FASN: variants seen among roughly 807,000 people sequenced by gnomAD.
The protein encoded by FASN is 3-hydroxyacyl-[acyl-carrier-protein] dehydratase.
Under a neutral mutation model 250.0 loss-of-function variants are expected in FASN, and 50 were observed. The ratio of observed to expected loss-of-function variants is 0.20; its 90% CI spans 0.16 to 0.25. The LOEUF is 0.25. Ranked by LOEUF, FASN falls within the 10% of genes least tolerant of loss-of-function variation. The pLI is 1.00. For missense variants in FASN, 3,031 were observed against 3,498.5 expected, an observed-to-expected ratio of 0.87 and a Z score of 3.37; for synonymous variants, 1,909 against 1,584.0, an observed-to-expected ratio of 1.21 and a Z score of -4.87.
In FASN at chr17:82,079,396, G is replaced by C. The variant is rs768851892; in HGVS notation, c.7359C>G (p.Ala2453=). The part of the protein sequence containing the change: ...VMLLRAKTGG[A]YGEDLGADYN... ...AGTCCGCGCCCAGGTCCTCGCCGTA[G>C]GCGCCACCCGTCTTGGCGCGCAGTA... is the stretch of plus-strand genomic sequence containing the variant. Residue 2453 remains alanine (A), a synonymous_variant, in exon 42 of 43, where the codon GCC becomes GCG. Coordinates refer to ENST00000306749, the MANE Select transcript of FASN (RefSeq NM_004104.5). 1.9e-6 allele frequency: 3 copies of C among 1,612,930 alleles called. No individual in the cohort carries two copies. Among genetic ancestry groups the C allele is most frequent in the Non-Finnish European group, 1.7e-6 (2 of 1,180,006 alleles).
rs549196704 is a variant in FASN, at chr17:82,087,600, T to C, written c.3043+85A>G. 3.7e-5 allele frequency: 59 copies of C among 1,600,654 alleles called. No homozygotes were observed. The Admixed American group carries it at 7.4e-4, about 20-fold the overall frequency. Reference sequence around the variant, plus strand: ...CCCCTCTGCTCCCTCCCAAGCTGCATGCCTAGCTGTGGGTGCCCTCTGTGG... The same window carrying C: ...CCCCTCTGCTCCCTCCCAAGCTGCACGCCTAGCTGTGGGTGCCCTCTGTGG... On this transcript the variant is annotated intron_variant, in intron 19 of 42. Transcript: ENST00000306749.
chr17:82,082,307 G>C lies in FASN; in HGVS notation c.6011+16C>G. Reference sequence around the variant, plus strand: ...AGAGCCCGGCAGAGGCGGGAGCAGGGCTGTGCGGTACCCACCTGTCCAGGT... The same window carrying C: ...AGAGCCCGGCAGAGGCGGGAGCAGGCCTGTGCGGTACCCACCTGTCCAGGT... On this transcript the variant is annotated intron_variant, in intron 35 of 42. Transcript: ENST00000306749. 1.9e-6 allele frequency: 3 copies of C among 1,611,702 alleles called. No individual in the cohort carries two copies. Among genetic ancestry groups the C allele is most frequent in the Non-Finnish European group, 2.5e-6 (3 of 1,179,812 alleles).
chr17:82,087,060 T>C lies in FASN; in HGVS notation c.3417A>G (p.Gln1139=), dbSNP rs780479385. The change falls in exon 21 of 43, where the codon CAA becomes CAG. Residue 1139 remains glutamine, a synonymous_variant. Coordinates refer to ENST00000306749, the MANE Select transcript of FASN (RefSeq NM_004104.5). ...SERAALQEEL[Q]LCKGLVQALQ... ...GGGCTGGGACCTCACCCTTGCACAG[T>C]TGCAGCTCCTCCTGCAGGGCAGCGC... 7.4e-6 allele frequency: 12 copies of C among 1,611,250 alleles called. No homozygotes were observed. In the South Asian group the frequency reaches 1.3e-4, roughly 18 times the overall value.
intron 11 of FASN, 22 bp downstream of exon 11, chr17:82,090,353 G>A (rs770322644): frequency 6.4e-7 from 1 of 1,563,438 alleles, no homozygotes; most frequent in South Asian, 1.2e-5. Flanking sequence ...GGAGGTGCTG[G>A]GGGCCCCTCC....
intron 15 of FASN, 33 bp downstream of exon 15, chr17:82,088,728 G>T: frequency 6.3e-7 from 1 of 1,584,902 alleles, no homozygotes; most frequent in South Asian, 1.1e-5. Context: ...CCCCGACTCC[G>T]GGAGACGAGA....
chr17:82,079,967 C>T, intron 41 of FASN, 173 bp downstream of exon 41: 1 of 762,452 alleles, frequency 1.3e-6, no homozygotes, highest in South Asian at 1.6e-5. Flanking sequence ...CTTAGCCTCC[C>T]AAAGTGCCGG....
chr17:82,086,654 A>T, intron 21 of FASN, 96 bp from the exon 22 acceptor site: 6 of 914,174 alleles, frequency 6.6e-6, no homozygotes, highest in Non-Finnish European at 1.0e-5. Flanking sequence ...TGGGGCCACC[A>T]CCCCGCTCTG....
At chr17:82,088,908 G>A (rs1325057224) in intron 14 of FASN, 32 bp from the exon 15 acceptor site, 4 of 1,610,550 alleles carry the variant, frequency 2.5e-6, no homozygotes, top group South Asian at 2.2e-5. Flanking sequence ...GGCTCTCTTG[G>A]TGCTCAGCTG....
rs142537824 is a variant in FASN at position 82,082,920 on chromosome 17, G to A, written c.5761C>T (p.Arg1921Trp). Residue 1921 changes from arginine (R) to tryptophan (W), a missense_variant, in exon 33 of 43, where the codon CGG (arginine) becomes TGG (tryptophan). By Grantham distance (101) the Arg-to-Trp change is moderately radical. Coordinates refer to ENST00000306749, the MANE Select transcript of FASN (RefSeq NM_004104.5). The stretch of plus-strand genomic sequence containing the variant: ...AGCACCCCTGCCGACTCACCTGTCC[G>A]GATCCCGGAGCGAGAAGTCAACACG... Reference protein sequence around the residue: ...KLVLTSRSGIRTGYQAKQVRR... With the variant: ...KLVLTSRSGIWTGYQAKQVRR... 4 of 1,612,692 alleles carry A rather than the reference G, an allele frequency of 2.5e-6. No homozygotes were observed. The South Asian group carries it at 3.3e-5, about 13-fold the overall frequency.
At chr17:82,082,503 G>C in intron 34 of FASN, 24 bp downstream of exon 34, 1 of 1,609,426 alleles carries the variant, frequency 6.2e-7, no homozygotes, top group Non-Finnish European at 8.5e-7. Context: ...GCTTTTGAGG[G>C]CCCCATTTGG....
chr17:82,085,777 T>C lies in FASN; in HGVS notation c.3827A>G (p.His1276Arg). The change falls in exon 23 of 43, where the codon CAC (histidine) becomes CGC (arginine). Residue 1276 changes from histidine to arginine, a missense_variant. Transcript: ENST00000306749. ...CTGGGCAGCCTCCAGGGCCTGGGGG[T>C]GGCGGTCGGTGGCCGTGTAGCTCAG... ...LQLSYTATDRHPQALEAAQAE... is the reference protein window; with the variant it reads ...LQLSYTATDRRPQALEAAQAE... 1.3e-6 allele frequency: 2 copies of C among 1,560,880 alleles called. No individual in the cohort carries two copies. The highest frequency in any genetic ancestry group is 1.7e-6 in the Non-Finnish European group (2 of 1,153,510).
At chr17:82,097,163 CCT>C in intron 1 of FASN, 1 of 157,236 alleles carries the variant, frequency 6.4e-6, no homozygotes, top group Non-Finnish European at 1.4e-5. Context: ...CAGGGTCCAA[CCT>C]GGAGAACCAC....
Position 82,083,613 on chromosome 17 carries a change from C to T in FASN, c.5245G>A (p.Ala1749Thr). 1 of 1,610,836 alleles carries T rather than the reference C, an allele frequency of 6.2e-7. No homozygotes were observed. The highest frequency in any genetic ancestry group is 8.5e-7 in the Non-Finnish European group (1 of 1,179,138). The part of the protein sequence containing the change: ...KGVDLVLNSL[A>T]EEKLQASVRC... ...ACGCTGGCCTGCAGCTTCTCTTCCG[C>T]CAAGGAGTTCAAGACCAGGTCAACG... Residue 1749 changes from alanine (A) to threonine (T), a missense_variant, in exon 31 of 43, where the codon GCG (alanine) becomes ACG (threonine). Physicochemically the swap from Ala to Thr is moderately conservative, Grantham distance 58 (BLOSUM62 0). Coordinates refer to ENST00000306749, the MANE Select transcript of FASN (RefSeq NM_004104.5).
In FASN at chr17:82,087,426, G is replaced by A. The variant is rs780084003; in HGVS notation, c.3122C>T (p.Ser1041Leu). The part of the protein sequence containing the change: ...DTMLQMSILG[S>L]AKHGLYLPTR... ...GGGCAGGTACAGGCCGTGCTTGGCC[G>A]AGCCCAGGATGGACATCTGCAGCAT... Residue 1041 changes from serine (S) to leucine (L), a missense_variant, in exon 20 of 43, where the codon TCG becomes TTG. Coordinates refer to ENST00000306749, the MANE Select transcript of FASN (RefSeq NM_004104.5). The A allele has an allele frequency of 1.9e-5, 30 of 1,612,538 alleles. No homozygotes were observed. The highest frequency in any genetic ancestry group is 1.6e-4 in the South Asian group (15 of 91,088).
chr17:82,096,276 G>A (rs747406841), intron 2 of FASN, 43 bp downstream of exon 2: 20 of 1,608,006 alleles, frequency 1.2e-5, no homozygotes, highest in African/African-American at 1.3e-5. Flanking sequence ...AGGTGGAGAT[G>A]GAGCTTCACA....
intron 41 of FASN, chr17:82,079,838 G>A (rs2033956416): frequency 3.0e-6 from 2 of 658,314 alleles, no homozygotes; most frequent in African/African-American, 1.8e-5. Flanking sequence ...CTCCCGAGTA[G>A]GTGGGACTAT....
intron 11 of FASN, among the ~76,000 whole-genome samples, 164 bp downstream of exon 11, chr17:82,090,211 A>G (rs551723001): frequency 5.3e-5 from 8 of 152,272 alleles, no homozygotes; most frequent in African/African-American, 1.9e-4. Flanking sequence ...CCAGTGGGGC[A>G]GCTGCAGGGG....
intron 21 of FASN, 132 bp downstream of exon 21, chr17:82,086,918 G>A (rs966510937): frequency 8.1e-6 from 8 of 986,830 alleles, no homozygotes; most frequent in African/African-American, 3.2e-5. Context: ...GTGAGCTCCG[G>A]CCGGAGGGTT....
At position 82,096,537 on chromosome 17, in the gene FASN, C is replaced by T. The variant is rs1289442159; in HGVS notation, c.-7-85G>A. 8 of 1,586,690 alleles carry T rather than the reference C, an allele frequency of 5.0e-6. No homozygotes were observed. In the East Asian group the frequency reaches 1.8e-4, roughly 35 times the overall value. On this transcript the variant is annotated intron_variant, in intron 1 of 42. Transcript: ENST00000306749. ...CCTCGGCACCCAGAACAGGTGGACA[C>T]CCATGGGGCCAAGCACCACCCTGAG...
Sources: gnomAD v4.1 joint callset for allele counts (sites outside exome capture counted in the v4.1 genomes callset) on GRCh38, gnomAD v4.1.1 for gene constraint, MANE v1.5 for transcripts, NCBI Gene and HGNC (gene_info 2026-07-23, HGNC 2026-07-21) for gene names.